The following SRPK2 variants were observed in gnomAD, a reference collection of about 807,000 sequenced individuals.
SRPK2 encodes the protein SFRS protein kinase 2.
A neutral mutation model predicts 90.8 loss-of-function variants in SRPK2; 21 were observed. The observed-to-expected ratio is 0.23, with a 90% confidence interval of 0.16 to 0.33. The LOEUF is 0.33. Ranked by LOEUF, SRPK2 falls within the 10% of genes least tolerant of loss-of-function variation. The pLI is 1.00. For synonymous variants in SRPK2, 288 were observed against 311.1 expected, an observed-to-expected ratio of 0.93 and a Z score of 0.78; for missense variants, 620 against 869.0, an observed-to-expected ratio of 0.71 and a Z score of 3.60.
At chr7:105,267,210 T>C (rs1258250938) in intron 2 of SRPK2, among the ~76,000 whole-genome samples, 2 of 152,184 alleles carry the variant, frequency 1.3e-5, no homozygotes, top group East Asian at 1.9e-4. Context: ...CCTTACAGAA[T>C]GTATTTTAAC....
chr7:105,353,524 G>GTTGTTGTTGTTGTTGTT (rs142238844), intron 2 of SRPK2, among the ~76,000 whole-genome samples: 1 of 151,650 alleles, frequency 6.6e-6, no homozygotes, highest in African/African-American at 2.4e-5. Flanking sequence ...TGTTGTTGTT[G>GTTGTTGTTGTTGTTGTT]TTGTTGTTGT....
At chr7:105,120,850 C>G (rs1178100523) in intron 15 of SRPK2, among the ~76,000 whole-genome samples, 1 of 152,094 alleles carries the variant, frequency 6.6e-6, no homozygotes, top group Non-Finnish European at 1.5e-5. Flanking sequence ...GTATCTATTG[C>G]TAGGAGACAC....
At chr7:105,176,312 G>C (rs1791838990) in intron 3 of SRPK2, among the ~76,000 whole-genome samples, 1 of 152,144 alleles carries the variant, frequency 6.6e-6, no homozygotes, top group Non-Finnish European at 1.5e-5. Flanking sequence ...AGCAGGAATA[G>C]AGGAACATCA....
intron 3 of SRPK2, among the ~76,000 whole-genome samples, chr7:105,196,027 C>A (rs1794875000): frequency 6.6e-6 from 1 of 152,196 alleles, no homozygotes; most frequent in Non-Finnish European, 1.5e-5. Context: ...CATCAAGCCT[C>A]AATGAATAAA....
At chr7:105,155,678 A>C (rs1176604464) in intron 7 of SRPK2, among the ~76,000 whole-genome samples, 1 of 152,210 alleles carries the variant, frequency 6.6e-6, no homozygotes, top group Non-Finnish European at 1.5e-5. Flanking sequence ...CATTTCAAGA[A>C]GGGAAGGCAT....
At chr7:105,261,046 T>C (rs946575389) in intron 2 of SRPK2, among the ~76,000 whole-genome samples, 3 of 95,542 alleles carry the variant, frequency 3.1e-5, no homozygotes, top group African/African-American at 1.0e-4. Flanking sequence ...AAAAAAACAG[T>C]ATGGAGTGCA....
rs1489235192 is a variant in SRPK2, at chr7:105,287,272, AAAAAAAAAAAAAGAAG to A, written c.72-83503_72-83488del. 3.6e-4 allele frequency among the ~76,000 whole-genome samples: 49 copies of A among 137,684 alleles called. 1 individual carries two copies. The highest frequency in any genetic ancestry group is 1.2e-3 in the African/African-American group (46 of 37,692). 90.3% of individuals were successfully genotyped at this position (137,684 alleles called of 152,430 possible). On this transcript the variant is annotated intron_variant, in intron 2 of 15. Coordinates refer to ENST00000393651, the MANE Select transcript of SRPK2 (RefSeq NM_182692.3). ...CGAGACTCCGTCTAAAAAAAAAAAA[AAAAAAAAAAAAAGAAG>A]AAAAGGATGCAGAAGATCCACATGT...
intron 7 of SRPK2, among the ~76,000 whole-genome samples, chr7:105,147,404 G>T (rs186206370): frequency 6.6e-6 from 1 of 152,038 alleles, no homozygotes; most frequent in Non-Finnish European, 1.5e-5. Flanking sequence ...TGCAACCTCC[G>T]CCTCCCAGGT....
At chr7:105,340,277 C>T (rs375046624) in intron 2 of SRPK2, among the ~76,000 whole-genome samples, 1 of 22,588 alleles carries the variant, frequency 4.4e-5, no homozygotes, top group East Asian at 2.2e-3. Context: ...CAAGAAAAAG[C>T]CAAGTGGGCA....
intron 2 of SRPK2, among the ~76,000 whole-genome samples, chr7:105,211,197 A>G (rs1480697302): frequency 1.3e-5 from 2 of 152,174 alleles, no homozygotes; most frequent in African/African-American, 4.8e-5. Flanking sequence ...AAACTGTACT[A>G]GAGTAGATCA....
chr7:105,235,103 A>C (rs1032434930), intron 2 of SRPK2, among the ~76,000 whole-genome samples: 1 of 152,228 alleles, frequency 6.6e-6, no homozygotes, highest in African/African-American at 2.4e-5. Flanking sequence ...AGAAGCCAAA[A>C]GATTAGATAC....
At chr7:105,183,710 CA>C (rs1412717501) in intron 3 of SRPK2, among the ~76,000 whole-genome samples, 1 of 151,890 alleles carries the variant, frequency 6.6e-6, no homozygotes, top group Admixed American at 6.6e-5. Flanking sequence ...GGCTGGTCTA[CA>C]ATTCCTGACC....
At chr7:105,244,971 G>GC in intron 2 of SRPK2, 1 of 1,339,554 alleles carries the variant, frequency 7.5e-7, no homozygotes, top group Admixed American at 1.9e-5. Context: ...GAAAGACTGA[G>GC]CCCCCTTCCC....
intron 2 of SRPK2, among the ~76,000 whole-genome samples, chr7:105,219,584 A>G (rs933400712): frequency 2.6e-5 from 4 of 152,246 alleles, no homozygotes; most frequent in Middle Eastern, 3.2e-3. Context: ...GACGTTAGCT[A>G]TGTGCCTAAG....
chr7:105,384,995 G>A (rs545381111), intron 2 of SRPK2, among the ~76,000 whole-genome samples: 2 of 150,324 alleles, frequency 1.3e-5, no homozygotes, highest in African/African-American at 4.9e-5. Context: ...TCCTGCCTCA[G>A]CCTCCCGAGT....
intron 2 of SRPK2, among the ~76,000 whole-genome samples, chr7:105,364,133 T>A (rs933881610): frequency 6.6e-6 from 1 of 152,102 alleles, no homozygotes; most frequent in East Asian, 1.9e-4. Context: ...TGTATACATA[T>A]GTAACAAACC....
intron 2 of SRPK2, among the ~76,000 whole-genome samples, chr7:105,378,711 C>G (rs1167954683): frequency 7.0e-6 from 1 of 143,158 alleles, no homozygotes; most frequent in Non-Finnish European, 1.5e-5. Context: ...TGCAGTGAGC[C>G]GAGATCATGC....
At chr7:105,344,152 C>T (rs1467483082) in intron 2 of SRPK2, among the ~76,000 whole-genome samples, 3 of 152,120 alleles carry the variant, frequency 2.0e-5, no homozygotes, top group Non-Finnish European at 1.5e-5. Flanking sequence ...GTGAACCTTA[C>T]AAAACCATAA....
rs183994064 is a variant in SRPK2 at position 105,139,116 on chromosome 7, C to T, written c.1543+2892G>A. Among the ~76,000 whole-genome samples the T allele has an allele frequency of 3.3e-5, 5 of 152,322 alleles. No individual in the cohort carries two copies. The East Asian group carries it at 9.6e-4, about 29-fold the overall frequency. On this transcript the variant is annotated intron_variant, in intron 11 of 15. Coordinates refer to ENST00000393651, the MANE Select transcript of SRPK2 (RefSeq NM_182692.3). The stretch of plus-strand genomic sequence containing the variant: ...TGCTGGTTATGCAGGGATGTACACT[C>T]TCCACTGTGGAGACCACTGCTGTAG...
Sources: gnomAD v4.1 joint callset for allele counts (sites outside exome capture counted in the v4.1 genomes callset) on GRCh38, gnomAD v4.1.1 for gene constraint, MANE v1.5 for transcripts, NCBI Gene and HGNC (gene_info 2026-07-23, HGNC 2026-07-21) for gene names.